The following ZNF385D variants were observed in gnomAD, a reference collection of about 807,000 sequenced individuals.
ZNF385D encodes the protein zinc finger protein 659.
A neutral mutation model predicts 35.8 loss-of-function variants in ZNF385D; 15 were observed. That is an observed-to-expected ratio of 0.42 (90% confidence interval 0.28 to 0.64). The LOEUF (loss-of-function observed/expected upper bound fraction) is 0.64. Ranked by LOEUF, ZNF385D falls within the 30% of genes least tolerant of loss-of-function variation. The probability of loss-of-function intolerance (pLI) is 0.23; values close to 1 mark genes in which losing one functional copy is unlikely to be tolerated. For missense variants in ZNF385D, 474 were observed against 494.6 expected (o/e 0.96, Z 0.39); for synonymous variants, 212 against 186.8 (o/e 1.13, Z -1.10).
chr3:21,743,957 C>T (rs1172624785), intron 1 of ZNF385D, among the ~76,000 whole-genome samples: 1 of 152,164 alleles, frequency 6.6e-6, no homozygotes, highest in Non-Finnish European at 1.5e-5. Flanking sequence ...AATTATTTGA[C>T]TCATTTCTCA....
intron 2 of ZNF385D, among the ~76,000 whole-genome samples, chr3:21,577,596 A>T (rs1056281948): frequency 6.6e-6 from 1 of 152,138 alleles, no homozygotes; most frequent in East Asian, 1.9e-4. Context: ...CTGTTTTTCC[A>T]TAACGGCTGT....
intron 3 of ZNF385D, among the ~76,000 whole-genome samples, chr3:22,085,807 A>C (rs1221840530): frequency 1.3e-5 from 2 of 152,236 alleles, no homozygotes; most frequent in Non-Finnish European, 1.5e-5. Context: ...AATCCTCAAT[A>C]AAATACTGGC....
intron 3 of ZNF385D, among the ~76,000 whole-genome samples, chr3:21,857,533 C>T (rs1035560413): frequency 7.9e-5 from 12 of 151,850 alleles, no homozygotes; most frequent in South Asian, 2.1e-4. Context: ...TTAGCAACCA[C>T]GGGGCCTCAT....
chr3:21,717,115 A>C (rs746024566), intron 1 of ZNF385D, among the ~76,000 whole-genome samples: 2 of 152,162 alleles, frequency 1.3e-5, no homozygotes, highest in Non-Finnish European at 2.9e-5. Flanking sequence ...CCTGGCAACG[A>C]CAATAACAAT....
intron 3 of ZNF385D, among the ~76,000 whole-genome samples, chr3:21,956,190 A>C (rs899075474): frequency 6.6e-6 from 1 of 151,940 alleles, no homozygotes; most frequent in Non-Finnish European, 1.5e-5. Context: ...ATGTCTCAGG[A>C]AACAAACAAA....
intron 3 of ZNF385D, among the ~76,000 whole-genome samples, chr3:21,975,146 A>G (rs1703515913): frequency 6.6e-6 from 1 of 152,200 alleles, no homozygotes; most frequent in South Asian, 2.1e-4. Context: ...CTGCTCTGCC[A>G]AGATTTGGAA....
At chr3:21,921,530 C>A (rs7623835) in intron 3 of ZNF385D, among the ~76,000 whole-genome samples, 63,803 of 151,738 alleles carry the variant, frequency 0.42, 14,164 homozygotes, top group Non-Finnish European at 0.51. Flanking sequence ...CTTATGATAT[C>A]AAAGCAATCA....
intron 5 of ZNF385D, among the ~76,000 whole-genome samples, chr3:21,432,269 A>C (rs149101771): frequency 0.082 from 56 of 680 alleles, no homozygotes; most frequent in East Asian, 0.37. Flanking sequence ...AATCAATCTT[A>C]TCCTTCTTTT....
intron 3 of ZNF385D, among the ~76,000 whole-genome samples, chr3:22,019,580 C>G (rs1697104147): frequency 6.6e-6 from 1 of 151,782 alleles, no homozygotes; most frequent in African/African-American, 2.4e-5. Context: ...TTTAAAAAAT[C>G]CTTTTATTTG....
chr3:22,294,294 A>C (rs1275923456), intron 2 of ZNF385D, among the ~76,000 whole-genome samples: 1 of 151,974 alleles, frequency 6.6e-6, no homozygotes, highest in African/African-American at 2.4e-5. Context: ...TGCCTCTCCT[A>C]TTGGTGCCTC....
chr3:22,303,926 T>C (rs529408991), intron 2 of ZNF385D, among the ~76,000 whole-genome samples: 47 of 152,198 alleles, frequency 3.1e-4, no homozygotes, highest in Non-Finnish European at 5.7e-4. Context: ...TATAGGCATG[T>C]GCCACCACGC....
chr3:21,960,797 G>A (rs1423924852), intron 3 of ZNF385D, among the ~76,000 whole-genome samples: 1 of 152,170 alleles, frequency 6.6e-6, no homozygotes, highest in Non-Finnish European at 1.5e-5. Flanking sequence ...CATCCTGAAG[G>A]ATATCATATT....
At chr3:21,614,552 G>A (rs985246376) in intron 2 of ZNF385D, among the ~76,000 whole-genome samples, 1 of 152,100 alleles carries the variant, frequency 6.6e-6, no homozygotes, top group Non-Finnish European at 1.5e-5. Flanking sequence ...GGCAGGGGGT[G>A]ATTTTTTGTT....
chr3:22,152,820 A>C (rs1345444074), intron 3 of ZNF385D, among the ~76,000 whole-genome samples: 1 of 152,108 alleles, frequency 6.6e-6, no homozygotes, highest in African/African-American at 2.4e-5. Context: ...TCTTTTGGGG[A>C]GTATTATTTG....
At chr3:21,483,886 T>A (rs1262243793) in intron 4 of ZNF385D, among the ~76,000 whole-genome samples, 2 of 152,174 alleles carry the variant, frequency 1.3e-5, no homozygotes, top group Non-Finnish European at 2.9e-5. Context: ...TTGCAGACCA[T>A]AAGTTTTTAA....
In ZNF385D at chr3:22,155,109, T is replaced by C. The variant is rs188464043; in HGVS notation, c.325+13708A>G. ...TATTGACAGAATTGCAACTTCTTAATTGCCCTGATTTGATCATTACACATT... is the reference window on the plus strand; with the variant it reads ...TATTGACAGAATTGCAACTTCTTAACTGCCCTGATTTGATCATTACACATT... On this transcript the variant is annotated intron_variant, in intron 3 of 5. Coordinates refer to the ZNF385D transcript ENST00000494108. Among the ~76,000 whole-genome samples, 23 of 152,258 alleles carry C rather than the reference T, an allele frequency of 1.5e-4. No homozygotes were observed. The South Asian group carries it at 1.9e-3, about 12-fold the overall frequency.
intron 2 of ZNF385D, among the ~76,000 whole-genome samples, chr3:22,185,467 T>C (rs1032929137): frequency 1.3e-5 from 2 of 152,106 alleles, no homozygotes; most frequent in Admixed American, 6.6e-5. Flanking sequence ...ACCCATTCAA[T>C]GTTCACTTTT....
intron 3 of ZNF385D, among the ~76,000 whole-genome samples, chr3:22,037,356 C>T (rs1358704191): frequency 1.3e-5 from 2 of 151,098 alleles, no homozygotes; most frequent in South Asian, 2.1e-4. Context: ...TATTTCTCCA[C>T]ATCCTCTCCA....
chr3:22,357,105 T>A (rs911162678), intron 2 of ZNF385D, among the ~76,000 whole-genome samples: 20 of 152,050 alleles, frequency 1.3e-4, no homozygotes, highest in African/African-American at 4.8e-4. Flanking sequence ...TTCACATACA[T>A]AATTACATAG....
Sources: gnomAD v4.1 joint callset for allele counts (sites outside exome capture counted in the v4.1 genomes callset) on GRCh38, gnomAD v4.1.1 for gene constraint, MANE v1.5 for transcripts, NCBI Gene and HGNC (gene_info 2026-07-23, HGNC 2026-07-21) for gene names.